The following TRIP12 variants were observed in gnomAD, a reference collection of about 807,000 sequenced individuals.
TRIP12 encodes the protein E3 ubiquitin-protein ligase TRIP12.
In TRIP12, 25 loss-of-function variants were observed where a neutral mutation model predicts 244.2. The observed-to-expected ratio is 0.10, with a 90% CI of 0.07 to 0.14. TRIP12 has a LOEUF of 0.14. TRIP12 is among the 10% of genes least tolerant of loss of function. The pLI is 1.00. For synonymous variants in TRIP12, 905 were observed against 873.1 expected, an observed-to-expected ratio of 1.04 and a Z score of -0.64; for missense variants, 1,677 against 2,486.4, an observed-to-expected ratio of 0.67 and a Z score of 6.92.
intron 17 of TRIP12, among the ~76,000 whole-genome samples, chr2:229,806,612 A>T (rs1263188440): frequency 6.6e-6 from 1 of 152,154 alleles, no homozygotes; most frequent in Non-Finnish European, 1.5e-5. Context: ...AAAGAAGACG[A>T]CTTAGAGTTA....
Position 229,792,973 on chromosome 2 carries a change from C to G in TRIP12, c.4141G>C (p.Gly1381Arg). 6.2e-7 allele frequency: 1 copy of G among 1,609,272 alleles called. No individual in the cohort carries two copies. The highest frequency in any genetic ancestry group is 8.5e-7 in the Non-Finnish European group (1 of 1,177,998). ...QAIERYLVVR[G>R]YGRVREDDED... ...CACGAAACAAATATATGGAAAGTAC[C>G]TCTAACTACAAGGTATCTCTCGATG... is the stretch of plus-strand genomic sequence containing the variant. Residue 1381 changes from glycine (G) to arginine (R), a missense_variant and splice_region_variant, in exon 27 of 42, where the codon GGG becomes CGG. Physicochemically the swap from Gly to Arg is moderately radical, Grantham distance 125. Coordinates refer to ENST00000675903, the MANE Select transcript of TRIP12 (RefSeq NM_001348323.3).
intron 1 of TRIP12, among the ~76,000 whole-genome samples, chr2:229,888,574 A>G (rs2066558243): frequency 6.6e-6 from 1 of 152,152 alleles, no homozygotes; most frequent in Non-Finnish European, 1.5e-5. Flanking sequence ...AAAAAACTCA[A>G]AAATGTCCAT....
In TRIP12 at chr2:229,767,436, G is replaced by T; in HGVS notation, c.*118C>A. 1 of 1,274,192 alleles carries T rather than the reference G, an allele frequency of 7.8e-7. No homozygotes were observed. The highest frequency in any genetic ancestry group is 1.0e-6 in the Non-Finnish European group (1 of 952,920). The allele number at this position is 1,274,192 out of a possible 1,614,324, so 78.9% of individuals were successfully genotyped here. A position where few individuals can be genotyped will look rare whatever the true frequency, so the allele number is the denominator to read the frequency against. On this transcript the variant is annotated 3_prime_UTR_variant, in exon 42 of 42. Coordinates refer to ENST00000675903, the MANE Select transcript of TRIP12 (RefSeq NM_001348323.3). ...AATGTCTCTTTATAATCTGCAAGCC[G>T]TTTTTCCTACAACAAGAAGGCGTAA...
intron 1 of TRIP12, among the ~76,000 whole-genome samples, chr2:229,918,144 A>G (rs1165791642): frequency 6.6e-6 from 1 of 152,270 alleles, no homozygotes; most frequent in Admixed American, 6.5e-5. Context: ...TCACAGGTAG[A>G]AACTTGTTCG....
intron 34 of TRIP12, among the ~76,000 whole-genome samples, chr2:229,782,313 C>T (rs578248136): frequency 6.6e-6 from 1 of 152,108 alleles, no homozygotes; most frequent in Non-Finnish European, 1.5e-5. Flanking sequence ...CCCAACACTT[C>T]TACAGCAGTA....
chr2:229,818,156 C>CA (rs1282898181), intron 9 of TRIP12, among the ~76,000 whole-genome samples: 3 of 152,018 alleles, frequency 2.0e-5, no homozygotes, highest in Non-Finnish European at 4.4e-5. Context: ...GACTATTCAT[C>CA]AAAAAAATGA....
Position 229,779,004 on chromosome 2 carries a change from C to T in TRIP12, c.5095-14G>A, listed in dbSNP as rs752391294. 1.2e-5 allele frequency: 19 copies of T among 1,603,110 alleles called. No individual in the cohort carries two copies. In the South Asian group the frequency reaches 1.8e-4, roughly 15 times the overall value. On this transcript the variant is annotated splice_polypyrimidine_tract_variant and intron_variant, in intron 34 of 41. Transcript: ENST00000675903. The stretch of plus-strand genomic sequence containing the variant: ...ACCTGTACCAACCTACAGAAGAACA[C>T]AAGTAGAACGATTTCAAATTTTAAG...
intron 4 of TRIP12, among the ~76,000 whole-genome samples, chr2:229,849,040 A>C (rs1463914072): frequency 6.6e-6 from 1 of 152,232 alleles, no homozygotes; most frequent in East Asian, 1.9e-4. Context: ...AGAAGACTGA[A>C]GAAAATCCCA....
chr2:229,789,244 CT>C (rs1476022895), intron 31 of TRIP12, among the ~76,000 whole-genome samples: 1 of 152,220 alleles, frequency 6.6e-6, no homozygotes, highest in African/African-American at 2.4e-5. Flanking sequence ...CTTTACTCTT[CT>C]CTATGCTATA....
chr2:229,836,929 T>C lies in TRIP12; in HGVS notation c.1189A>G (p.Lys397Glu). Reference sequence around the variant, plus strand: ...TGGTTGCTTTCAGGGTCTGCCATTTTCTCCTGTCGACGAGCTTCAGCTGCT... The same window carrying C: ...TGGTTGCTTTCAGGGTCTGCCATTTCCTCCTGTCGACGAGCTTCAGCTGCT... ...RGAAEARRQE[K>E]MADPESNQEA... The change falls in exon 6 of 42, where the codon AAA becomes GAA. Residue 397 changes from lysine to glutamate, a missense_variant. Coordinates refer to ENST00000675903, the MANE Select transcript of TRIP12 (RefSeq NM_001348323.3). The C allele has an allele frequency of 6.2e-7, 1 of 1,600,870 alleles. No homozygotes were observed. Among genetic ancestry groups the C allele is most frequent in the Non-Finnish European group, 8.5e-7 (1 of 1,175,570 alleles).
Position 229,859,510 on chromosome 2 carries a change from A to C in TRIP12, c.289T>G (p.Ser97Ala), listed in dbSNP as rs1296912870. Residue 97 changes from serine (S) to alanine (A), a missense_variant, in exon 4 of 42, where the codon TCA becomes GCA. Physicochemically the swap from Ser to Ala is moderately conservative, Grantham distance 99. Transcript: ENST00000675903. ...QPEDPDRANT[S>A]ERQKTGQVPK... ...ACCTGCCCCGTTTTTTGTCTTTCTG[A>C]AGTATTGGCTCTGTCTGGATCCTCT... The C allele has an allele frequency of 6.2e-7, 1 of 1,614,092 alleles. No individual in the cohort carries two copies. The highest frequency in any genetic ancestry group is 1.7e-5 in the Admixed American group (1 of 60,004).
intron 2 of TRIP12, among the ~76,000 whole-genome samples, chr2:229,872,104 T>TAAAAAAAAAAAA (rs34496202): frequency 1.4e-4 from 15 of 105,260 alleles, no homozygotes; most frequent in African/African-American, 4.2e-4. Flanking sequence ...ACAGATATTG[T>TAAAAAAAAAAAA]AAAAAAAAAA....
chr2:229,854,081 G>A (rs187203140), intron 4 of TRIP12, among the ~76,000 whole-genome samples: 2 of 152,196 alleles, frequency 1.3e-5, no homozygotes, highest in Admixed American at 1.3e-4. Context: ...GGGTGCAAGT[G>A]CAGTTTTGTT....
chr2:229,894,333 A>G (rs889647929), intron 1 of TRIP12: 1 of 152,214 alleles, frequency 6.6e-6, no homozygotes, highest in Admixed American at 6.5e-5. Context: ...GCTTTTTAAA[A>G]AAAGTCTTTA....
chr2:229,859,057 A>G lies in TRIP12; in HGVS notation c.742T>C (p.Ser248Pro). The G allele has an allele frequency of 1.2e-6, 2 of 1,614,216 alleles. No individual in the cohort carries two copies. The highest frequency in any genetic ancestry group is 1.7e-6 in the Non-Finnish European group (2 of 1,180,036). The change falls in exon 4 of 42, where the codon TCT becomes CCT. Residue 248 changes from serine to proline, a missense_variant. Transcript: ENST00000675903. The stretch of plus-strand genomic sequence containing the variant: ...GAGGAGGCCGAGGCTACAGCAGAAG[A>G]CGAGGAGGAAGTAGAGGCAGCAGAA... ...SSSAASTSSS[S>P]SAVASASSTV... is the part of the protein sequence containing the mutation.
chr2:229,888,227 C>G (rs147386342), intron 1 of TRIP12, among the ~76,000 whole-genome samples: 2 of 152,184 alleles, frequency 1.3e-5, no homozygotes, highest in East Asian at 3.9e-4. Context: ...CCTGACTCAT[C>G]ATGTAGGTAT....
At chr2:229,871,214 G>C (rs2062539146) in intron 2 of TRIP12, among the ~76,000 whole-genome samples, 1 of 151,306 alleles carries the variant, frequency 6.6e-6, no homozygotes, top group South Asian at 2.1e-4. Flanking sequence ...GAGGGGAGGG[G>C]ACCGGAAAGG....
At chr2:229,827,573 C>T (rs1228884537) in intron 8 of TRIP12, among the ~76,000 whole-genome samples, 3 of 152,094 alleles carry the variant, frequency 2.0e-5, no homozygotes, top group Non-Finnish European at 4.4e-5. Flanking sequence ...GGTATCATTA[C>T]GTTCTACCTC....
intron 6 of TRIP12, among the ~76,000 whole-genome samples, chr2:229,836,004 C>G (rs2054717070): frequency 6.6e-6 from 1 of 152,192 alleles, no homozygotes; most frequent in Non-Finnish European, 1.5e-5. Context: ...GAAAAAAATC[C>G]TAAGCTAGAA....
Sources: allele counts gnomAD v4.1 joint callset (sites outside exome capture counted in the v4.1 genomes callset), GRCh38; gene constraint gnomAD v4.1.1; transcripts MANE v1.5; gene names NCBI Gene and HGNC (gene_info 2026-07-23, HGNC 2026-07-21).